PTDSS1: variants seen among roughly 807,000 people sequenced by gnomAD.
PTDSS1 encodes the protein PSS-1.
PTDSS1 carries 45 observed loss-of-function variants against 70.5 expected under a neutral mutation model. The ratio of observed to expected loss-of-function variants is 0.64; its 90% CI spans 0.50 to 0.82. PTDSS1 has a LOEUF of 0.82. Among genes scored for constraint, PTDSS1 ranks in the 40% least tolerant of loss-of-function variants. The pLI, the probability that PTDSS1 is intolerant of heterozygous loss-of-function variation, is 0.00. For missense variants in PTDSS1, 417 were observed against 586.1 expected, an observed-to-expected ratio of 0.71 and a Z score of 2.98; for synonymous variants, 188 against 203.8, an observed-to-expected ratio of 0.92 and a Z score of 0.66.
chr8:96,285,480 T>G (rs1156275027), intron 3 of PTDSS1, among the ~76,000 whole-genome samples: 1 of 152,218 alleles, frequency 6.6e-6, no homozygotes, highest in Non-Finnish European at 1.5e-5. Flanking sequence ...TCCATTTACA[T>G]TTTCAAAAAG....
intron 10 of PTDSS1, among the ~76,000 whole-genome samples, chr8:96,326,949 G>A (rs918351831): frequency 5.9e-5 from 9 of 152,176 alleles, no homozygotes; most frequent in African/African-American, 2.2e-4. Flanking sequence ...TGGTAGCTGG[G>A]AGGGGACTTG....
chr8:96,276,745 G>C (rs1810647900), intron 2 of PTDSS1, among the ~76,000 whole-genome samples: 1 of 152,060 alleles, frequency 6.6e-6, no homozygotes, highest in Non-Finnish European at 1.5e-5. Flanking sequence ...TCAGTCTCTG[G>C]CTTGTCTTTT....
intron 8 of PTDSS1, among the ~76,000 whole-genome samples, chr8:96,307,465 A>C (rs1407149936): frequency 6.6e-6 from 1 of 150,498 alleles, no homozygotes; most frequent in Admixed American, 6.6e-5. Context: ...AAAAAAAAAA[A>C]AAAAAAAAAA....
chr8:96,298,090 G>A (rs1811000301), intron 5 of PTDSS1, among the ~76,000 whole-genome samples: 1 of 152,084 alleles, frequency 6.6e-6, no homozygotes, highest in Non-Finnish European at 1.5e-5. Context: ...TTCTGCTGAA[G>A]TTTCTCCCTT....
intron 6 of PTDSS1, among the ~76,000 whole-genome samples, chr8:96,302,398 C>T (rs1811062796): frequency 6.6e-6 from 1 of 152,128 alleles, no homozygotes; most frequent in Non-Finnish European, 1.5e-5. Context: ...AAGTATTGCT[C>T]CAAGCAAGCT....
At position 96,261,971 on chromosome 8, in the gene PTDSS1, A is replaced by G; in HGVS notation, c.-70A>G. 2.0e-6 allele frequency: 3 copies of G among 1,491,200 alleles called. No homozygotes were observed. Among genetic ancestry groups the G allele is most frequent in the Non-Finnish European group, 2.7e-6 (3 of 1,101,258 alleles). The allele number at this position is 1,491,200 out of a possible 1,614,324, so 92.4% of individuals were successfully genotyped here. A position where few individuals can be genotyped will look rare whatever the true frequency, so the allele number is the denominator to read the frequency against. Reference sequence around the variant, plus strand: ...GTCCGGCTATTAGCCTACTGTGGCTAGTCACCCCCGGGGTCCCGGCCTTCT... The same window carrying G: ...GTCCGGCTATTAGCCTACTGTGGCTGGTCACCCCCGGGGTCCCGGCCTTCT... On this transcript the variant is annotated 5_prime_UTR_variant, in exon 1 of 13. Coordinates refer to ENST00000517309, the MANE Select transcript of PTDSS1 (RefSeq NM_014754.3).
At chr8:96,333,342 G>A in intron 12 of PTDSS1, 115 bp from the exon 13 acceptor site, 2 of 830,124 alleles carry the variant, frequency 2.4e-6, no homozygotes, top group Non-Finnish European at 4.1e-6. Context: ...CCACTAGGGG[G>A]AGTGCACGTA....
At chr8:96,278,851 AT>A (rs148797034) in intron 2 of PTDSS1, among the ~76,000 whole-genome samples, 14,980 of 152,100 alleles carry the variant, frequency 0.098, 2,358 homozygotes, top group African/African-American at 0.33. Context: ...TGCCTGGCCC[AT>A]TATTAACTTC....
At chr8:96,278,628 C>CA (rs1810684176) in intron 2 of PTDSS1, among the ~76,000 whole-genome samples, 1 of 152,200 alleles carries the variant, frequency 6.6e-6, no homozygotes, top group African/African-American at 2.4e-5. Flanking sequence ...TAGCAACTGA[C>CA]ACTCAAGTGT....
chr8:96,284,068 A>C (rs774684025), intron 2 of PTDSS1, 41 bp from the exon 3 acceptor site: 1 of 1,539,936 alleles, frequency 6.5e-7, no homozygotes, highest in Non-Finnish European at 8.9e-7. Context: ...GCCTTCTCTG[A>C]AACCAGTTCC....
intron 10 of PTDSS1, among the ~76,000 whole-genome samples, chr8:96,323,599 G>T (rs969694452): frequency 5.9e-5 from 9 of 152,190 alleles, no homozygotes; most frequent in African/African-American, 2.2e-4. Flanking sequence ...GAGTCCCTAG[G>T]TAGCCCTGGT....
intron 4 of PTDSS1, among the ~76,000 whole-genome samples, chr8:96,293,903 G>GT (rs1554583874): frequency 1.3e-5 from 2 of 152,046 alleles, no homozygotes; most frequent in African/African-American, 4.8e-5. Flanking sequence ...ACCTGCTTCA[G>GT]CTAAGGGCAT....
At chr8:96,267,570 T>C (rs1221209161) in intron 1 of PTDSS1, among the ~76,000 whole-genome samples, 5 of 152,186 alleles carry the variant, frequency 3.3e-5, no homozygotes, top group Non-Finnish European at 5.9e-5. Context: ...ATATCACCTT[T>C]CTCCTGCTTT....
chr8:96,279,927 C>G (rs1277143867), intron 2 of PTDSS1, among the ~76,000 whole-genome samples: 1 of 152,072 alleles, frequency 6.6e-6, no homozygotes, highest in East Asian at 1.9e-4. Context: ...TAGAAGAACT[C>G]TAACTAATAA....
chr8:96,329,139 C>CA (rs1232223122), intron 10 of PTDSS1, among the ~76,000 whole-genome samples: 1 of 152,156 alleles, frequency 6.6e-6, no homozygotes, highest in Non-Finnish European at 1.5e-5. Context: ...CATGCTCTCA[C>CA]AGCTGTCCCC....
intron 3 of PTDSS1, among the ~76,000 whole-genome samples, chr8:96,286,733 G>A (rs1810827690): frequency 6.6e-6 from 1 of 152,132 alleles, no homozygotes; most frequent in South Asian, 2.1e-4. Context: ...AATGTTGCGT[G>A]CAATCCTCAC....
intron 2 of PTDSS1, among the ~76,000 whole-genome samples, chr8:96,282,205 T>C (rs1173824767): frequency 6.6e-6 from 1 of 152,242 alleles, no homozygotes; most frequent in Non-Finnish European, 1.5e-5. Flanking sequence ...AAGTCACTTA[T>C]GGTGACAAGT....
At chr8:96,325,998 G>T (rs532771033) in intron 10 of PTDSS1, among the ~76,000 whole-genome samples, 1 of 152,146 alleles carries the variant, frequency 6.6e-6, no homozygotes, top group South Asian at 2.1e-4. Context: ...AAGGAAGAAG[G>T]CTCCCCACCA....
intron 6 of PTDSS1, among the ~76,000 whole-genome samples, chr8:96,301,982 G>A (rs1811057086): frequency 6.6e-6 from 1 of 152,014 alleles, no homozygotes; most frequent in African/African-American, 2.4e-5. Context: ...TGACTTGCAA[G>A]GACACTTTTT....
Sources: gnomAD v4.1 joint callset for allele counts (sites outside exome capture counted in the v4.1 genomes callset) on GRCh38, gnomAD v4.1.1 for gene constraint, MANE v1.5 for transcripts, NCBI Gene and HGNC (gene_info 2026-07-23, HGNC 2026-07-21) for gene names.